LRP8: variants seen among roughly 807,000 people sequenced by gnomAD.
LRP8 encodes the protein low-density lipoprotein receptor-related protein 8.
In LRP8, 46 loss-of-function variants were observed where a neutral mutation model predicts 111.6. The ratio of observed to expected loss-of-function variants is 0.41; its 90% CI spans 0.33 to 0.53. The LOEUF (loss-of-function observed/expected upper bound fraction) is 0.53. Among genes scored for constraint, LRP8 ranks in the 20% least tolerant of loss-of-function variants. The pLI is 0.20. For missense variants in LRP8, 959 were observed against 1,297.4 expected, an observed-to-expected ratio of 0.74 and a Z score of 4.01; for synonymous variants, 464 against 511.2, an observed-to-expected ratio of 0.91 and a Z score of 1.24.
At chr1:53,277,758 C>T (rs1247633601) in intron 4 of LRP8, among the ~76,000 whole-genome samples, 7 of 152,232 alleles carry the variant, frequency 4.6e-5, no homozygotes, top group South Asian at 2.1e-4. Flanking sequence ...GGCGTTTCCC[C>T]GCTTGGGAAA....
chr1:53,295,728 G>A (rs1333236768), intron 2 of LRP8, among the ~76,000 whole-genome samples: 1 of 152,134 alleles, frequency 6.6e-6, no homozygotes, highest in East Asian at 1.9e-4. Context: ...CCCTGGGAAG[G>A]ACTGCAGTAA....
chr1:53,300,651 G>C (rs560047235), intron 2 of LRP8, among the ~76,000 whole-genome samples: 1 of 152,344 alleles, frequency 6.6e-6, no homozygotes, highest in East Asian at 1.9e-4. Flanking sequence ...CAGCAGCTCA[G>C]TAAGCCAGTG....
rs185580938 is a variant in LRP8, at chr1:53,270,021, A to G, written c.1252+1007T>C. Among the ~76,000 whole-genome samples the G allele has an allele frequency of 3.3e-5, 5 of 151,106 alleles. No individual in the cohort carries two copies. The East Asian group carries it at 9.9e-4, about 30-fold the overall frequency. ...TGTGTGTAGTCTCTGTGTGGTTCAT[A>G]TTCTGTTGTATGAGTGTCATCTCTG... On this transcript the variant is annotated intron_variant, in intron 8 of 18. Coordinates refer to ENST00000306052, the MANE Select transcript of LRP8 (RefSeq NM_004631.5).
chr1:53,320,158 G>A lies in LRP8; in HGVS notation c.244+6715C>T, dbSNP rs547692145. Among the ~76,000 whole-genome samples, 5 of 152,384 alleles carry A rather than the reference G, an allele frequency of 3.3e-5. No homozygotes were observed. The South Asian group carries it at 6.2e-4, about 19-fold the overall frequency. ...CTCCCTAACTCTTCTTAGTGTTAAC[G>A]TGAGTATTTTAGATGACTTCTTGGC... On this transcript the variant is annotated intron_variant, in intron 2 of 18. Coordinates refer to ENST00000306052, the MANE Select transcript of LRP8 (RefSeq NM_004631.5).
At position 53,327,805 on chromosome 1, in the gene LRP8, C is replaced by T. The variant is rs1165666435; in HGVS notation, c.108G>A (p.Pro36=). The T allele has an allele frequency of 2.0e-6, 3 of 1,511,268 alleles. No homozygotes were observed. The South Asian group carries it at 3.7e-5, about 18-fold the overall frequency. The allele number at this position is 1,511,268 out of a possible 1,614,324, so 93.6% of individuals were successfully genotyped here. A position where few individuals can be genotyped will look rare whatever the true frequency, so the allele number is the denominator to read the frequency against. The change falls in exon 1 of 19, where the codon CCG becomes CCA. Residue 36 remains proline (P), a synonymous_variant. Transcript: ENST00000306052. ...LQHLAAAAAD[P]LLGGQGPAKD... ...TGCACGCACCTTGGCCGCCGAGCAG[C>T]GGATCAGCCGCTGCCGCCGCAAGAT...
intron 2 of LRP8, among the ~76,000 whole-genome samples, chr1:53,313,701 G>C (rs1653402379): frequency 6.6e-6 from 1 of 152,172 alleles, no homozygotes; most frequent in Non-Finnish European, 1.5e-5. Flanking sequence ...AGGTGTGGCT[G>C]GACAGGAGAC....
chr1:53,247,141 C>G (rs1041525093), intron 18 of LRP8, 85 bp from the exon 19 acceptor site: 18 of 1,016,636 alleles, frequency 1.8e-5, no homozygotes, highest in Non-Finnish European at 2.6e-5. Context: ...ACTTACGTTA[C>G]TTTAACAGGT....
rs370012513 is a variant in LRP8, at chr1:53,247,115, T to A, written c.2854-59A>T. The A allele has an allele frequency of 3.3e-5, 45 of 1,375,240 alleles. No homozygotes were observed. In the African/African-American group the frequency reaches 5.9e-4, roughly 18 times the overall value. The allele number at this position is 1,375,240 out of a possible 1,614,324, so 85.2% of individuals were successfully genotyped here. On this transcript the variant is annotated intron_variant, in intron 18 of 18. Coordinates refer to ENST00000306052, the MANE Select transcript of LRP8 (RefSeq NM_004631.5). ...TCCATAAGAGTTACTATTTATTTAGTATTGACAAATCACAGACTTACGTTA... is the reference window on the plus strand; with the variant it reads ...TCCATAAGAGTTACTATTTATTTAGAATTGACAAATCACAGACTTACGTTA...
At chr1:53,290,948 G>GC (rs778070961) in intron 2 of LRP8, among the ~76,000 whole-genome samples, 49 of 152,254 alleles carry the variant, frequency 3.2e-4, no homozygotes, top group Middle Eastern at 3.4e-3. Context: ...GGGCTCATCT[G>GC]CATCAAATCT....
Position 53,279,754 on chromosome 1 carries a change from C to T in LRP8, c.496+833G>A, listed in dbSNP as rs1410163808. The stretch of plus-strand genomic sequence containing the variant: ...TCCAGGGTGACCGCCCGTATTTCAG[C>T]CCAGCCGCACAGCCTAGTAGCGACA... On this transcript the variant is annotated intron_variant, in intron 4 of 18. Coordinates refer to ENST00000306052, the MANE Select transcript of LRP8 (RefSeq NM_004631.5). This position sits in a 1 kb window ranked among gnomAD's most constrained non-coding sequence, Gnocchi z 4.4. Among the ~76,000 whole-genome samples the T allele has an allele frequency of 2.0e-5, 3 of 152,226 alleles. No individual in the cohort carries two copies. The highest frequency in any genetic ancestry group is 1.3e-4 in the Admixed American group (2 of 15,286).
At chr1:53,324,408 G>A (rs921760592) in intron 2 of LRP8, among the ~76,000 whole-genome samples, 2 of 152,126 alleles carry the variant, frequency 1.3e-5, no homozygotes, top group African/African-American at 4.8e-5. Context: ...TCTAAAGGCC[G>A]TGGAGGTGGG....
chr1:53,319,266 G>T (rs1309641380), intron 2 of LRP8, among the ~76,000 whole-genome samples: 2 of 152,172 alleles, frequency 1.3e-5, no homozygotes, highest in Non-Finnish European at 2.9e-5. Context: ...CTGGGATGAA[G>T]TCCCCTGTGG....
rs1645679711 is a variant in LRP8 at position 53,243,629 on chromosome 1, C to T, written c.*3389G>A. On this transcript the variant is annotated 3_prime_UTR_variant, in exon 19 of 19. Transcript: ENST00000306052. Reference sequence around the variant, plus strand: ...TCCATACAGCCTCATTTCTTGCCCCCCTTGAGCCTTTTGTTCCTGTTAGAA... The same window carrying T: ...TCCATACAGCCTCATTTCTTGCCCCTCTTGAGCCTTTTGTTCCTGTTAGAA... The T allele has an allele frequency of 6.6e-6, 1 of 152,206 alleles. No homozygotes were observed. Among genetic ancestry groups the T allele is most frequent in the Non-Finnish European group, 1.5e-5 (1 of 68,034 alleles). The allele number at this position is 152,206 out of a possible 1,614,324, so 9.4% of individuals were successfully genotyped here.
intron 6 of LRP8, chr1:53,272,523 A>C (rs1224814461): frequency 1.5e-5 from 18 of 1,239,618 alleles, no homozygotes; most frequent in Non-Finnish European, 1.9e-5. Flanking sequence ...AGCTGGTCTG[A>C]GCTGCCCACC....
At chr1:53,276,461 G>T (rs991014062) in intron 5 of LRP8, among the ~76,000 whole-genome samples, 1 of 152,220 alleles carries the variant, frequency 6.6e-6, no homozygotes, top group East Asian at 1.9e-4. Context: ...GCTCACAGCA[G>T]GGACACAGAT....
At chr1:53,274,851 C>T (rs753785566) in intron 6 of LRP8, 3 of 456,200 alleles carry the variant, frequency 6.6e-6, no homozygotes, top group Admixed American at 2.3e-5. Context: ...GTGGACAGTG[C>T]CTGTGAGACC....
chr1:53,294,130 A>G lies in LRP8; in HGVS notation c.245-4441T>C, dbSNP rs1403139445. On this transcript the variant is annotated intron_variant, in intron 2 of 18. Transcript: ENST00000306052. This position sits in a 1 kb window ranked among gnomAD's most constrained non-coding sequence, Gnocchi z 4.1. The stretch of plus-strand genomic sequence containing the variant: ...TGATTCCCCAGCTGGGCTCAAGGCC[A>G]TGGCTCCCTGTTTCCAGGGATTTAT... Among the ~76,000 whole-genome samples, 1 of 152,178 alleles carries G rather than the reference A, an allele frequency of 6.6e-6. No individual in the cohort carries two copies. The highest frequency in any genetic ancestry group is 1.9e-4 in the East Asian group (1 of 5,190).
chr1:53,307,028 G>C (rs994288031), intron 2 of LRP8, among the ~76,000 whole-genome samples: 1 of 152,202 alleles, frequency 6.6e-6, no homozygotes, highest in Admixed American at 6.5e-5. Context: ...CCTTGAAACA[G>C]GAAGAACACA....
Position 53,249,014 on chromosome 1 carries a change from T to G in LRP8, c.2853+366A>C, listed in dbSNP as rs969902316. On this transcript the variant is annotated intron_variant, in intron 18 of 18. Transcript: ENST00000306052. The surrounding 1 kb of genome is among the most constrained non-coding windows in gnomAD (Gnocchi z 4.1). ...GTTTTCTTATTCCAAGTTCAGTGCT[T>G]CTTCCACTGTGCTCCCTCTGATCTT... 6.6e-6 allele frequency among the ~76,000 whole-genome samples: 1 copy of G among 152,220 alleles called. No individual in the cohort carries two copies. Among genetic ancestry groups the G allele is most frequent in the African/African-American group, 2.4e-5 (1 of 41,458 alleles).
Sources: allele counts gnomAD v4.1 joint callset (sites outside exome capture counted in the v4.1 genomes callset), GRCh38; gene constraint gnomAD v4.1.1; non-coding constraint Gnocchi (gnomAD v3.1); transcripts MANE v1.5; gene names NCBI Gene and HGNC (gene_info 2026-07-23, HGNC 2026-07-21).